Variants in MCTP1 observed in about 807,000 individuals in gnomAD.
MCTP1 encodes the protein multiple C2 and transmembrane domain-containing protein 1.
A neutral mutation model predicts 120.6 loss-of-function variants in MCTP1; 69 were observed. The ratio of observed to expected loss-of-function variants is 0.57; its 90% confidence interval spans 0.47 to 0.70. The LOEUF (loss-of-function observed/expected upper bound fraction) is 0.70. MCTP1 is among the 30% of genes least tolerant of loss of function. MCTP1 has a pLI of 0.00. For missense variants in MCTP1, 1,203 were observed against 1,248.8 expected (o/e 0.96, Z 0.55); for synonymous variants, 529 against 493.1 (o/e 1.07, Z -0.96).
In MCTP1 at chr5:95,235,587, C is replaced by T. The variant is rs372129233; in HGVS notation, c.720+48269G>A. On this transcript the variant is annotated intron_variant, in intron 1 of 22. Coordinates refer to ENST00000515393, the MANE Select transcript of MCTP1 (RefSeq NM_024717.7). ...GAAAAATGCACATCATGAATGTATA[C>T]GCCTGAACTTAAAATAAAAGTTAGA... Among the ~76,000 whole-genome samples the T allele has an allele frequency of 7.8e-4, 119 of 152,058 alleles. 1 individual carries two copies. Among genetic ancestry groups the T allele is most frequent in the Middle Eastern group, 3.4e-3 (1 of 294 alleles).
intron 17 of MCTP1, among the ~76,000 whole-genome samples, chr5:94,814,605 C>T (rs1784119614): frequency 6.6e-6 from 1 of 152,010 alleles, no homozygotes; most frequent in African/African-American, 2.4e-5. Flanking sequence ...GTTCTAAATT[C>T]CTATGAAAAA....
chr5:95,236,495 CCTTA>C (rs1562264980), intron 1 of MCTP1, among the ~76,000 whole-genome samples: 1 of 152,114 alleles, frequency 6.6e-6, no homozygotes, highest in East Asian at 1.9e-4. Context: ...ATGTCTTCTC[CCTTA>C]CTTCCCGTGA....
intron 19 of MCTP1, among the ~76,000 whole-genome samples, chr5:94,774,442 A>G (rs1207654887): frequency 6.6e-6 from 1 of 152,198 alleles, no homozygotes; most frequent in Non-Finnish European, 1.5e-5. Flanking sequence ...AGATGGAGGA[A>G]GCCATGGAAA....
intron 10 of MCTP1, among the ~76,000 whole-genome samples, chr5:94,908,191 GA>G (rs536369743): frequency 6.6e-6 from 1 of 152,050 alleles, no homozygotes; most frequent in African/African-American, 2.4e-5. Context: ...TTAATTAAGG[GA>G]AAAAATGTGC....
At chr5:94,837,728 T>C (rs1243850718) in intron 17 of MCTP1, among the ~76,000 whole-genome samples, 1 of 152,182 alleles carries the variant, frequency 6.6e-6, no homozygotes, top group Non-Finnish European at 1.5e-5. Flanking sequence ...TCTGAAGCAC[T>C]TGGGTTTCAG....
chr5:95,028,241 T>C (rs1414748321), intron 1 of MCTP1, among the ~76,000 whole-genome samples: 1 of 152,168 alleles, frequency 6.6e-6, no homozygotes, highest in African/African-American at 2.4e-5. Context: ...GAAACAAAAC[T>C]GTCCCAGGTA....
At chr5:95,098,192 A>T (rs1404447133) in intron 1 of MCTP1, among the ~76,000 whole-genome samples, 1 of 152,240 alleles carries the variant, frequency 6.6e-6, no homozygotes, top group Non-Finnish European at 1.5e-5. Context: ...ATATTTACAC[A>T]TATGAGTCAC....
chr5:95,269,332 T>G (rs999673920), intron 1 of MCTP1, among the ~76,000 whole-genome samples: 1 of 152,242 alleles, frequency 6.6e-6, no homozygotes, highest in African/African-American at 2.4e-5. Flanking sequence ...TTTGTTTTCC[T>G]GTCCAAAGAT....
At chr5:95,259,900 G>A (rs1368074577) in intron 1 of MCTP1, among the ~76,000 whole-genome samples, 4 of 152,324 alleles carry the variant, frequency 2.6e-5, no homozygotes, top group Non-Finnish European at 5.9e-5. Flanking sequence ...AATTTGCTCA[G>A]CTGTGTACTG....
intron 1 of MCTP1, among the ~76,000 whole-genome samples, chr5:95,080,225 T>A (rs1307976713): frequency 6.6e-6 from 1 of 152,192 alleles, no homozygotes; most frequent in Non-Finnish European, 1.5e-5. Flanking sequence ...GAGTAAGGAT[T>A]TGGACATTTG....
chr5:95,064,178 G>A (rs1000709882), intron 1 of MCTP1, among the ~76,000 whole-genome samples: 10 of 152,136 alleles, frequency 6.6e-5, no homozygotes, highest in Non-Finnish European at 1.5e-4. Flanking sequence ...CATTAGAAAC[G>A]AATTGATAAT....
At chr5:94,977,469 A>AG (rs892983217) in intron 2 of MCTP1, among the ~76,000 whole-genome samples, 2 of 151,960 alleles carry the variant, frequency 1.3e-5, no homozygotes, top group African/African-American at 2.4e-5. Flanking sequence ...AGAAAAAAAA[A>AG]ACCCTAAAAT....
At chr5:95,136,492 G>A (rs1759455649) in intron 1 of MCTP1, among the ~76,000 whole-genome samples, 1 of 152,100 alleles carries the variant, frequency 6.6e-6, no homozygotes. Context: ...ACGGGAAGCT[G>A]GAGACAGAGA....
chr5:94,876,508 A>G (rs1798904985), intron 12 of MCTP1, among the ~76,000 whole-genome samples: 1 of 152,148 alleles, frequency 6.6e-6, no homozygotes. Context: ...AAGTTGAGGG[A>G]TATTTTGTTT....
At chr5:94,867,154 C>T in intron 17 of MCTP1, 7 of 1,223,096 alleles carry the variant, frequency 5.7e-6, no homozygotes, top group African/African-American at 1.5e-5. Context: ...TTAATAGTAC[C>T]ACCATATATT....
rs73136021 is a variant in MCTP1, at chr5:94,899,310, G to T, written c.1653-4475C>A. ...TGGTCTCCTGAGTCCTCAGCTGTTC[G>T]CTTTGCCTCAGCTGCTCCTTTGGCT... On this transcript the variant is annotated intron_variant, in intron 10 of 22. Transcript: ENST00000515393. 4.6e-3 allele frequency among the ~76,000 whole-genome samples: 703 copies of T among 152,232 alleles called. 6 individuals carry two copies. The highest frequency in any genetic ancestry group is 0.016 in the African/African-American group (672 of 41,516).
At chr5:94,979,562 G>C (rs1828943401) in intron 2 of MCTP1, 1 of 152,068 alleles carries the variant, frequency 6.6e-6, no homozygotes, top group Admixed American at 6.6e-5. Flanking sequence ...AAAATTAGGA[G>C]TGGTCAATTG....
At chr5:95,175,322 C>T (rs17426610) in intron 1 of MCTP1, among the ~76,000 whole-genome samples, 42,161 of 151,988 alleles carry the variant, frequency 0.28, 7,029 homozygotes, top group Non-Finnish European at 0.37. Flanking sequence ...CACTCAACTG[C>T]CCTTTAGCAG....
In MCTP1 at chr5:94,940,148, T is replaced by G. The variant is rs779224590; in HGVS notation, c.1109A>C (p.His370Pro). Residue 370 changes from histidine to proline, a missense_variant, in exon 5 of 23, where the codon CAT becomes CCT. Physicochemically the swap from His to Pro is moderately conservative, Grantham distance 77. This residue lies in a region of MCTP1 where 740 missense variants were observed against 871.1 expected (regional missense o/e 0.85). Coordinates refer to ENST00000515393, the MANE Select transcript of MCTP1 (RefSeq NM_024717.7). The stretch of plus-strand genomic sequence containing the variant: ...TGAGAGCAAAATGATTCCAAGATCA[T>G]GGTCAGGATAATGAGGATCTTTCAG... ...LTLKDPHYPD[H>P]DLGIILLSVI... is the part of the protein sequence containing the mutation. 6.2e-7 allele frequency: 1 copy of G among 1,609,876 alleles called. No individual in the cohort carries two copies. Among genetic ancestry groups the G allele is most frequent in the Admixed American group, 1.7e-5 (1 of 59,868 alleles).
Sources: allele counts gnomAD v4.1 joint callset (sites outside exome capture counted in the v4.1 genomes callset), GRCh38; gene constraint gnomAD v4.1.1; regional missense constraint gnomAD v4.1.1; transcripts MANE v1.5; gene names NCBI Gene and HGNC (gene_info 2026-07-23, HGNC 2026-07-21).